Variants in CDC42BPA observed in about 807,000 individuals in gnomAD.
CDC42BPA encodes serine/threonine-protein kinase MRCK alpha.
Under a neutral mutation model 223.5 loss-of-function variants are expected in CDC42BPA, and 80 were observed. The ratio of observed to expected loss-of-function variants is 0.36; its 90% CI spans 0.30 to 0.43. The LOEUF (loss-of-function observed/expected upper bound fraction) is 0.43. Ranked by LOEUF, CDC42BPA falls within the 20% of genes least tolerant of loss-of-function variation. The pLI, the probability that CDC42BPA is intolerant of heterozygous loss-of-function variation, is 1.00. For missense variants in CDC42BPA, 1,743 were observed against 2,099.9 expected, an observed-to-expected ratio of 0.83 and a Z score of 3.32; for synonymous variants, 694 against 718.6, an observed-to-expected ratio of 0.97 and a Z score of 0.55.
intron 22 of CDC42BPA, among the ~76,000 whole-genome samples, chr1:227,050,869 G>A (rs1436429095): frequency 6.6e-6 from 1 of 152,056 alleles, no homozygotes; most frequent in African/African-American, 2.4e-5. Flanking sequence ...AACTGTTTCT[G>A]AAATATTTTT....
intron 10 of CDC42BPA, among the ~76,000 whole-genome samples, chr1:227,132,973 G>A (rs183801039): frequency 0.15 from 23,088 of 150,320 alleles, 2,160 homozygotes; most frequent in African/African-American, 0.25. Flanking sequence ...CCCGCCGTCC[G>A]GCAGCCACCC....
At chr1:227,184,998 G>T (rs944597382) in intron 5 of CDC42BPA, among the ~76,000 whole-genome samples, 1 of 152,074 alleles carries the variant, frequency 6.6e-6, no homozygotes, top group Non-Finnish European at 1.5e-5. Flanking sequence ...GTAATTCTCA[G>T]TAGAAAATAA....
chr1:227,284,065 A>ATC (rs1478892179), intron 1 of CDC42BPA, among the ~76,000 whole-genome samples: 3 of 152,290 alleles, frequency 2.0e-5, no homozygotes, highest in African/African-American at 7.2e-5. Flanking sequence ...CAAAAAATAT[A>ATC]TATACTTTTT....
intron 21 of CDC42BPA, among the ~76,000 whole-genome samples, chr1:227,067,693 T>C (rs1165660110): frequency 6.6e-6 from 1 of 152,138 alleles, no homozygotes; most frequent in Middle Eastern, 3.2e-3. Flanking sequence ...TCCAAGCATA[T>C]TCAAAATCAC....
intron 35 of CDC42BPA, among the ~76,000 whole-genome samples, chr1:227,001,914 A>G (rs1448393296): frequency 1.3e-5 from 2 of 151,946 alleles, no homozygotes; most frequent in Non-Finnish European, 2.9e-5. Context: ...CTCAAAAAAA[A>G]CAAAAACAAA....
intron 1 of CDC42BPA, among the ~76,000 whole-genome samples, chr1:227,286,254 G>C (rs900728520): frequency 6.6e-6 from 1 of 152,088 alleles, no homozygotes; most frequent in African/African-American, 2.4e-5. Context: ...TCCCATATTT[G>C]ATCACAGGCT....
chr1:227,101,558 C>A (rs535028152), intron 14 of CDC42BPA, among the ~76,000 whole-genome samples: 6 of 152,006 alleles, frequency 3.9e-5, no homozygotes, highest in South Asian at 2.1e-4. Context: ...AATTTATTTA[C>A]AATTATTGTT....
intron 1 of CDC42BPA, among the ~76,000 whole-genome samples, chr1:227,256,106 A>C (rs1369310638): frequency 2.1e-4 from 32 of 152,232 alleles, no homozygotes; most frequent in Admixed American, 2.1e-3. Flanking sequence ...CAAAAGTTTT[A>C]ATAAACATTT....
chr1:227,193,995 T>C (rs749990731), intron 4 of CDC42BPA, 61 bp from the exon 5 acceptor site: 15 of 1,222,608 alleles, frequency 1.2e-5, no homozygotes, highest in Non-Finnish European at 1.6e-5. Flanking sequence ...ATCAATATAC[T>C]GTATCCCAAG....
chr1:227,142,205 A>G (rs1056524115), intron 9 of CDC42BPA, among the ~76,000 whole-genome samples: 2 of 152,204 alleles, frequency 1.3e-5, no homozygotes, highest in Admixed American at 6.5e-5. Flanking sequence ...AGAATGAGAG[A>G]CAGTCAAAGG....
chr1:227,215,598 A>G (rs1674685770), intron 2 of CDC42BPA, among the ~76,000 whole-genome samples: 1 of 151,990 alleles, frequency 6.6e-6, no homozygotes, highest in Non-Finnish European at 1.5e-5. Flanking sequence ...GTGAAAAATA[A>G]TTTCAAGTTT....
chr1:227,310,849 G>T (rs965925885), intron 1 of CDC42BPA, among the ~76,000 whole-genome samples: 1 of 135,320 alleles, frequency 7.4e-6, no homozygotes, highest in African/African-American at 2.8e-5. Flanking sequence ...ACCGCGCCCG[G>T]CTAATTTTTT....
intron 21 of CDC42BPA, chr1:227,059,521 C>A (rs1176679368): frequency 2.0e-6 from 2 of 984,318 alleles, no homozygotes; most frequent in African/African-American, 3.2e-5. Context: ...CATATAAAGC[C>A]ACAGTTTTGG....
intron 2 of CDC42BPA, among the ~76,000 whole-genome samples, chr1:227,224,996 T>C (rs1676604647): frequency 6.6e-6 from 1 of 152,170 alleles, no homozygotes; most frequent in Non-Finnish European, 1.5e-5. Context: ...AATCTTTATA[T>C]TCATGGAGCA....
chr1:227,061,398 A>T (rs1399065174), intron 21 of CDC42BPA, among the ~76,000 whole-genome samples: 1 of 152,190 alleles, frequency 6.6e-6, no homozygotes, highest in East Asian at 1.9e-4. Flanking sequence ...CAGAAACCCT[A>T]TAAGGTAGGA....
At chr1:227,109,039 G>A (rs747356451) in intron 14 of CDC42BPA, among the ~76,000 whole-genome samples, 47 of 152,002 alleles carry the variant, frequency 3.1e-4, no homozygotes, top group African/African-American at 1.4e-4. Context: ...AAGGTATGTC[G>A]CATATAAATA....
chr1:227,316,047 A>G (rs1314110225), intron 1 of CDC42BPA, among the ~76,000 whole-genome samples: 2 of 151,924 alleles, frequency 1.3e-5, no homozygotes, highest in Non-Finnish European at 2.9e-5. Flanking sequence ...TAGCATAAGA[A>G]CTTAGCATAA....
intron 1 of CDC42BPA, among the ~76,000 whole-genome samples, chr1:227,283,490 AGGAAGATTCTATTT>A (rs1306673560): frequency 6.6e-6 from 1 of 152,212 alleles, no homozygotes; most frequent in African/African-American, 2.4e-5. Context: ...AAAACCAGGT[AGGAAGATTCTATTT>A]GTAATGAAAA....
intron 22 of CDC42BPA, among the ~76,000 whole-genome samples, chr1:227,049,250 G>A (rs1175744204): frequency 6.9e-6 from 1 of 144,928 alleles, no homozygotes; most frequent in Non-Finnish European, 1.5e-5. Context: ...AATTAAGCAA[G>A]GGTGCTGGAT....
Sources: gnomAD v4.1 joint callset for allele counts (sites outside exome capture counted in the v4.1 genomes callset) on GRCh38, gnomAD v4.1.1 for gene constraint, MANE v1.5 for transcripts, NCBI Gene and HGNC (gene_info 2026-07-23, HGNC 2026-07-21) for gene names.